Variants in DYNLRB2 observed in about 807,000 individuals in gnomAD.
DYNLRB2 encodes bithoraxoid-like protein.
A neutral mutation model predicts 12.6 loss-of-function variants in DYNLRB2; 14 were observed. That is an observed-to-expected ratio of 1.11 (90% confidence interval 0.73 to 1.73). DYNLRB2 has a LOEUF of 1.73. Among genes scored for constraint, DYNLRB2 ranks in the 40% most tolerant of loss-of-function variants. The pLI, the probability that DYNLRB2 is intolerant of heterozygous loss-of-function variation, is 0.00. For missense variants in DYNLRB2, 142 were observed against 117.7 expected (o/e 1.21, Z -0.95); for synonymous variants, 53 against 37.0 (o/e 1.43, Z -1.57).
intron 2 of DYNLRB2, chr16:80,547,994 A>G (rs1904585780): frequency 2.9e-6 from 1 of 342,548 alleles, no homozygotes; most frequent in Non-Finnish European, 5.7e-6. Flanking sequence ...CAAGATTTTT[A>G]TGAAAACCTG....
intron 3 of DYNLRB2, 68 bp from the exon 4 acceptor site, chr16:80,550,447 G>A: frequency 1.3e-6 from 2 of 1,584,170 alleles, no homozygotes; most frequent in Non-Finnish European, 1.7e-6. Flanking sequence ...GAAAAAAGAA[G>A]ACTAGTTGAA....
chr16:80,542,989 A>T (rs1223074398), intron 1 of DYNLRB2, among the ~76,000 whole-genome samples: 1 of 152,236 alleles, frequency 6.6e-6, no homozygotes, highest in African/African-American at 2.4e-5. Flanking sequence ...TTTTCTAGTA[A>T]ATGGAAACAG....
chr16:80,541,475 C>G lies in DYNLRB2; in HGVS notation c.3+396C>G, dbSNP rs1033477923. ...CCTTAGAGAGAAGGAAGAGGTGGGA[C>G]AGGGAAAGCAAGGGAATGGAAGGGT... On this transcript the variant is annotated intron_variant, in intron 1 of 3. Transcript: ENST00000305904. The G allele has an allele frequency of 2.3e-5, 19 of 815,256 alleles. No individual in the cohort carries two copies. The Admixed American group carries it at 1.1e-3, about 49-fold the overall frequency. The allele number at this position is 815,256 out of a possible 1,614,324, so 50.5% of individuals were successfully genotyped here. A position where few individuals can be genotyped will look rare whatever the true frequency, so the allele number is the denominator to read the frequency against.
chr16:80,540,771 G>A (rs575117500), upstream of DYNLRB2: 226 of 703,274 alleles, frequency 3.2e-4, 2 homozygotes, highest in South Asian at 3.0e-3. Context: ...ATGAATGAAT[G>A]AATGGACAAA....
At chr16:80,542,454 T>A (rs189659367) in intron 1 of DYNLRB2, among the ~76,000 whole-genome samples, 1 of 152,310 alleles carries the variant, frequency 6.6e-6, no homozygotes, top group East Asian at 1.9e-4. Context: ...TAACAAAATG[T>A]TCACCTGTGC....
At chr16:80,540,812 T>C (rs1478933393), upstream of DYNLRB2, 10 of 709,458 alleles carry the variant, frequency 1.4e-5, no homozygotes, top group Middle Eastern at 9.1e-4. Flanking sequence ...CACTTCCCTC[T>C]TCCCTCCCGG....
At chr16:80,548,898 C>T (rs886916862) in intron 2 of DYNLRB2, 4 of 455,456 alleles carry the variant, frequency 8.8e-6, no homozygotes, top group African/African-American at 6.0e-5. Context: ...TTTTGATGTA[C>T]CCTCTAGCAT....
At chr16:80,546,663 C>A (rs968357954) in intron 2 of DYNLRB2, among the ~76,000 whole-genome samples, 5 of 152,114 alleles carry the variant, frequency 3.3e-5, no homozygotes, top group African/African-American at 1.2e-4. Context: ...TAGATACTGG[C>A]AAATATGTAT....
intron 2 of DYNLRB2, among the ~76,000 whole-genome samples, chr16:80,546,702 G>A (rs976953827): frequency 1.2e-4 from 18 of 152,112 alleles, no homozygotes; most frequent in Admixed American, 1.1e-3. Flanking sequence ...CAGATCTGTC[G>A]TATTTTCTTA....
chr16:80,541,012 T>C lies in DYNLRB2; in HGVS notation c.-65T>C. On this transcript the variant is annotated 5_prime_UTR_variant, in exon 1 of 4. Transcript: ENST00000305904. ...TTTTTTGTCTCCTAGCAACGGCGGGTAGCGTTGTTGACATCCCGGGAGGCT... is the reference window on the plus strand; with the variant it reads ...TTTTTTGTCTCCTAGCAACGGCGGGCAGCGTTGTTGACATCCCGGGAGGCT... 1 of 1,570,668 alleles carries C rather than the reference T, an allele frequency of 6.4e-7. No homozygotes were observed. The highest frequency in any genetic ancestry group is 8.7e-7 in the Non-Finnish European group (1 of 1,155,934).
chr16:80,541,019 G>A lies in DYNLRB2; in HGVS notation c.-58G>A. ...TCTCCTAGCAACGGCGGGTAGCGTT[G>A]TTGACATCCCGGGAGGCTGTGCCGC... On this transcript the variant is annotated 5_prime_UTR_variant, in exon 1 of 4. Coordinates refer to ENST00000305904, the MANE Select transcript of DYNLRB2 (RefSeq NM_130897.3). 1.3e-6 allele frequency: 2 copies of A among 1,590,786 alleles called. No homozygotes were observed. Among genetic ancestry groups the A allele is most frequent in the Admixed American group, 1.7e-5 (1 of 58,660 alleles).
chr16:80,541,393 A>T, intron 1 of DYNLRB2: 1 of 984,698 alleles, frequency 1.0e-6, no homozygotes, highest in African/African-American at 1.7e-5. Flanking sequence ...CCGGGGAGCC[A>T]GGAAAGTTTC....
At chr16:80,547,579 T>C (rs527356284) in intron 2 of DYNLRB2, among the ~76,000 whole-genome samples, 1 of 152,336 alleles carries the variant, frequency 6.6e-6, no homozygotes, top group Non-Finnish European at 1.5e-5. Flanking sequence ...GAGCATCTGA[T>C]TCATAATCCT....
At chr16:80,540,755 G>A (rs1909268783), upstream of DYNLRB2, 4 of 702,712 alleles carry the variant, frequency 5.7e-6, no homozygotes, top group Admixed American at 8.0e-5. Flanking sequence ...ATTAATTCGT[G>A]CCTCAATGAA....
chr16:80,550,430 T>C (rs1904770837), intron 3 of DYNLRB2, 85 bp from the exon 4 acceptor site: 9 of 1,525,080 alleles, frequency 5.9e-6, no homozygotes, highest in Non-Finnish European at 8.2e-6. Flanking sequence ...CCCTGTGATG[T>C]TTTGAAGAAA....
chr16:80,541,194 G>C, intron 1 of DYNLRB2, 115 bp downstream of exon 1: 1 of 1,462,538 alleles, frequency 6.8e-7, no homozygotes, highest in South Asian at 1.4e-5. Flanking sequence ...GGCCGCGGCG[G>C]AGGCTGGTGG....
chr16:80,542,946 C>A (rs749977899), intron 1 of DYNLRB2, among the ~76,000 whole-genome samples: 1 of 152,160 alleles, frequency 6.6e-6, no homozygotes, highest in Non-Finnish European at 1.5e-5. Flanking sequence ...GAAAGATAAT[C>A]TGGGACAAAT....
intron 3 of DYNLRB2, among the ~76,000 whole-genome samples, chr16:80,550,187 C>G (rs1002877546): frequency 6.6e-6 from 1 of 152,214 alleles, no homozygotes; most frequent in Non-Finnish European, 1.5e-5. Flanking sequence ...GCAAATCCAT[C>G]AAATCAGAAT....
intron 1 of DYNLRB2, among the ~76,000 whole-genome samples, chr16:80,541,812 G>C (rs10781994): frequency 2.0e-5 from 3 of 151,988 alleles, no homozygotes; most frequent in Admixed American, 2.0e-4. Context: ...GTGGCTGTAA[G>C]AAGCTGTGGA....
Sources: gnomAD v4.1 joint callset for allele counts (sites outside exome capture counted in the v4.1 genomes callset) on GRCh38, gnomAD v4.1.1 for gene constraint, MANE v1.5 for transcripts, NCBI Gene and HGNC (gene_info 2026-07-23, HGNC 2026-07-21) for gene names.